The following SERPINB11 variants were observed in gnomAD, a reference collection of about 807,000 sequenced individuals.
SERPINB11 encodes serpin B11.
SERPINB11 carries 32 observed loss-of-function variants against 36.7 expected under a neutral mutation model. That is an observed-to-expected ratio of 0.87 (90% confidence interval 0.66 to 1.17). SERPINB11 has a LOEUF of 1.17. SERPINB11 is among the 50% of genes most tolerant of loss of function. The pLI is 0.00. For synonymous variants in SERPINB11, 174 were observed against 168.1 expected (o/e 1.04, Z -0.27); for missense variants, 528 against 458.4 (o/e 1.15, Z -1.39).
chr18:63,714,777 T>C (rs571257645), intron 4 of SERPINB11, among the ~76,000 whole-genome samples: 1 of 152,146 alleles, frequency 6.6e-6, no homozygotes. Flanking sequence ...CACACATGCT[T>C]TACGAACAAT....
intron 6 of SERPINB11, 46 bp from the exon 7 acceptor site, chr18:63,720,785 T>A: frequency 7.2e-7 from 1 of 1,391,768 alleles, no homozygotes; most frequent in Non-Finnish European, 9.9e-7. Context: ...CACACACATG[T>A]GCACTCACAT....
intron 6 of SERPINB11, 138 bp downstream of exon 6, chr18:63,720,293 G>A (rs1162303734): frequency 2.5e-6 from 2 of 788,356 alleles, no homozygotes; most frequent in Non-Finnish European, 4.0e-6. Context: ...ATTTTCTACA[G>A]ATTTTCATTT....
rs763394255 is a variant in SERPINB11, at chr18:63,710,409, C to T, written c.168+48C>T. ...GTTCAGAACCCAGAAGTCTTTCATG[C>T]TCCCGCTCTGGGTCAGCAAAATTAA... On this transcript the variant is annotated intron_variant, in intron 2 of 7. Transcript: ENST00000544088. The T allele has an allele frequency of 8.7e-4, 1,321 of 1,514,160 alleles. 1 individual carries two copies. Among genetic ancestry groups the T allele is most frequent in the Non-Finnish European group, 1.1e-3 (1,183 of 1,124,012 alleles). The allele number at this position is 1,514,160 out of a possible 1,614,324, so 93.8% of individuals were successfully genotyped here.
chr18:63,721,007 T>C (rs1568188374), intron 7 of SERPINB11, 21 bp downstream of exon 7: 2 of 1,591,470 alleles, frequency 1.3e-6, no homozygotes. Context: ...AAGAATGCTA[T>C]AATGCAGTTA....
Position 63,712,629 on chromosome 18 carries a change from A to T in SERPINB11, c.293A>T (p.Asp98Val). 2 of 1,613,828 alleles carry T rather than the reference A, an allele frequency of 1.2e-6. No individual in the cohort carries two copies. Among genetic ancestry groups the T allele is most frequent in the South Asian group, 2.2e-5 (2 of 91,076 alleles). The change falls in exon 4 of 8, where the codon GAC (aspartate) becomes GTC (valine). Residue 98 changes from aspartate (D) to valine (V), a missense_variant. Transcript: ENST00000544088. ...GVEFSQINQP[D>V]SNCTLSIANR... ...GAATTCTCTCAAATCAACCAGCCAG[A>T]CTCTAACTGTACCCTCAGCATTGCC... is the stretch of plus-strand genomic sequence containing the variant.
chr18:63,711,039 G>A (rs1215924063), intron 2 of SERPINB11, among the ~76,000 whole-genome samples: 1 of 152,142 alleles, frequency 6.6e-6, no homozygotes, highest in African/African-American at 2.4e-5. Flanking sequence ...AAGTGTCCAG[G>A]GGATAAGAGA....
chr18:63,713,488 GT>G (rs1269899668), intron 4 of SERPINB11, among the ~76,000 whole-genome samples: 1 of 152,162 alleles, frequency 6.6e-6, no homozygotes, highest in Non-Finnish European at 1.5e-5. Flanking sequence ...TTTGACCAGG[GT>G]TATTTAAATG....
intron 3 of SERPINB11, 30 bp downstream of exon 3, chr18:63,711,424 C>T (rs767801173): frequency 1.4e-5 from 20 of 1,478,922 alleles, no homozygotes; most frequent in Non-Finnish European, 1.7e-5. Flanking sequence ...TTGTCAAATG[C>T]TCTTTAACCT....
At chr18:63,712,425 G>T (rs550563303) in intron 3 of SERPINB11, 140 bp from the exon 4 acceptor site, 21 of 808,182 alleles carry the variant, frequency 2.6e-5, no homozygotes, top group African/African-American at 8.6e-5. Context: ...ATCCAAGGAA[G>T]AAAATGCTTT....
chr18:63,716,424 TA>T (rs1914669763), intron 5 of SERPINB11, among the ~76,000 whole-genome samples: 1 of 152,194 alleles, frequency 6.6e-6, no homozygotes, highest in African/African-American at 2.4e-5. Context: ...TTTTCACAAT[TA>T]AAAACCCATA....
chr18:63,712,772 G>A lies in SERPINB11; in HGVS notation c.357+79G>A, dbSNP rs1291736900. On this transcript the variant is annotated intron_variant, in intron 4 of 7. Coordinates refer to ENST00000544088, the MANE Select transcript of SERPINB11 (RefSeq NM_001370475.1). ...ATACCCCAAAATTGATGAAGAGTGA[G>A]AAGAGTCACATGACATTTATCATTA... 11 of 1,438,548 alleles carry A rather than the reference G, an allele frequency of 7.6e-6. No homozygotes were observed. In the Admixed American group the frequency reaches 1.8e-4, roughly 23 times the overall value. 89.1% of individuals were successfully genotyped at this position (1,438,548 alleles called of 1,614,324 possible).
chr18:63,715,176 T>A (rs919005331), intron 4 of SERPINB11, among the ~76,000 whole-genome samples: 2 of 152,190 alleles, frequency 1.3e-5, no homozygotes, highest in African/African-American at 4.8e-5. Flanking sequence ...ATTCAGTTCA[T>A]GTTGGGGCAT....
At chr18:63,705,657 A>G (rs193161548) in intron 1 of SERPINB11, 11 of 152,364 alleles carry the variant, frequency 7.2e-5, no homozygotes, top group Non-Finnish European at 1.2e-4. Flanking sequence ...CTGGCACACA[A>G]TAAGTGGCCT....
Position 63,720,160 on chromosome 18 carries a change from G to A in SERPINB11, c.618+5G>A. ...AGTCCTTTTCAGCTAAGTGAGGTAA[G>A]TATTTTATTTTCAGACTCATGACAA... On this transcript the variant is annotated splice_donor_5th_base_variant and intron_variant, in intron 6 of 7. Transcript: ENST00000544088. The A allele has an allele frequency of 6.3e-7, 1 of 1,594,964 alleles. No homozygotes were observed. The highest frequency in any genetic ancestry group is 8.6e-7 in the Non-Finnish European group (1 of 1,166,526).
Position 63,722,984 on chromosome 18 carries a change from T to G in SERPINB11, c.775-11T>G, listed in dbSNP as rs759252974. The G allele has an allele frequency of 6.5e-7, 1 of 1,548,804 alleles. No homozygotes were observed. The highest frequency in any genetic ancestry group is 2.1e-5 in the Admixed American group (1 of 48,588). On this transcript the variant is annotated splice_polypyrimidine_tract_variant and intron_variant, in intron 7 of 7. Transcript: ENST00000544088. ...TGACTCATGTGGGCTTGTCTGTGTT[T>G]TGTCTCTTAGATAGAAAAGCAGCTG...
chr18:63,716,819 A>G (rs995526736), intron 5 of SERPINB11, among the ~76,000 whole-genome samples: 2 of 151,938 alleles, frequency 1.3e-5, no homozygotes, highest in African/African-American at 4.8e-5. Context: ...TGAATCAGGA[A>G]CCAAATAACA....
chr18:63,718,402 T>A (rs989481086), intron 5 of SERPINB11, among the ~76,000 whole-genome samples: 4 of 152,056 alleles, frequency 2.6e-5, no homozygotes, highest in African/African-American at 9.6e-5. Context: ...ATTCAAATTC[T>A]AATCCATGAC....
intron 1 of SERPINB11, among the ~76,000 whole-genome samples, chr18:63,709,067 C>T (rs2061939354): frequency 6.6e-6 from 1 of 152,238 alleles, no homozygotes; most frequent in Non-Finnish European, 1.5e-5. Flanking sequence ...TAGCGGTGCT[C>T]AAACAATGTT....
At chr18:63,714,514 T>A (rs967887449) in intron 4 of SERPINB11, among the ~76,000 whole-genome samples, 11 of 152,136 alleles carry the variant, frequency 7.2e-5, no homozygotes, top group African/African-American at 2.4e-4. Flanking sequence ...TATCTACAAC[T>A]GTATAAGACA....
Sources: gnomAD v4.1 joint callset for allele counts (sites outside exome capture counted in the v4.1 genomes callset) on GRCh38, gnomAD v4.1.1 for gene constraint, MANE v1.5 for transcripts, NCBI Gene and HGNC (gene_info 2026-07-23, HGNC 2026-07-21) for gene names.